Variants in POT1 observed in about 807,000 individuals in gnomAD.
POT1 encodes protection of telomeres 1.
Under a neutral mutation model 78.5 loss-of-function variants are expected in POT1, and 47 were observed. The observed-to-expected ratio is 0.60, with a 90% CI of 0.47 to 0.76. The LOEUF (loss-of-function observed/expected upper bound fraction) is 0.76. POT1 is among the 30% of genes least tolerant of loss of function. POT1 has a pLI of 0.00. For missense variants in POT1, 646 were observed against 749.9 expected, an observed-to-expected ratio of 0.86 and a Z score of 1.62; for synonymous variants, 259 against 260.7, an observed-to-expected ratio of 0.99 and a Z score of 0.06.
rs746483447 is a variant in POT1, at chr7:124,859,116, C to A, written c.547-4G>T. On this transcript the variant is annotated splice_region_variant and splice_polypyrimidine_tract_variant and intron_variant, in intron 8 of 18. Coordinates refer to ENST00000357628, the MANE Select transcript of POT1 (RefSeq NM_015450.3). ...GTGTCCTGGTGCCATCCCATACCTG[C>A]CATAAGAGAGTAGAGTAGTTTTATG... The A allele has an allele frequency of 1.3e-6, 2 of 1,563,476 alleles. No individual in the cohort carries two copies. Among genetic ancestry groups the A allele is most frequent in the Non-Finnish European group, 1.7e-6 (2 of 1,153,494 alleles).
At chr7:124,867,243 C>T (rs1484162409) in intron 7 of POT1, among the ~76,000 whole-genome samples, 2 of 152,158 alleles carry the variant, frequency 1.3e-5, no homozygotes, top group African/African-American at 4.8e-5. Flanking sequence ...AAATAGCCTT[C>T]TAAAGAATAT....
intron 3 of POT1, chr7:124,900,802 T>C (rs1490737069): frequency 1.0e-5 from 4 of 395,616 alleles, no homozygotes; most frequent in Non-Finnish European, 2.1e-5. Context: ...CCTGCCATAA[T>C]ACTGTGCTTT....
At chr7:124,841,897 T>A (rs1795037249) in intron 13 of POT1, among the ~76,000 whole-genome samples, 1 of 152,004 alleles carries the variant, frequency 6.6e-6, no homozygotes, top group Non-Finnish European at 1.5e-5. Context: ...TATATATACA[T>A]TTTAATCCCA....
intron 17 of POT1, among the ~76,000 whole-genome samples, chr7:124,826,800 C>T (rs1433504744): frequency 1.3e-5 from 2 of 152,080 alleles, no homozygotes; most frequent in Non-Finnish European, 2.9e-5. Context: ...ACCCGGGAGG[C>T]GGAGGTTGCA....
chr7:124,832,800 C>T lies in POT1; in HGVS notation c.1505+2479G>A, dbSNP rs146002852. Among the ~76,000 whole-genome samples, 93 of 125,594 alleles carry T rather than the reference C, an allele frequency of 7.4e-4. 1 individual carries two copies. The East Asian group carries it at 0.02, about 28-fold the overall frequency. The allele number at this position is 125,594 out of a possible 152,430, so 82.4% of individuals were successfully genotyped here. ...TCATGCCACTGCACTCCTATCTGGG[C>T]AATAGAGCAAGACTTCATCTCAAAA... On this transcript the variant is annotated intron_variant, in intron 15 of 18. Coordinates refer to ENST00000357628, the MANE Select transcript of POT1 (RefSeq NM_015450.3).
chr7:124,894,245 A>G (rs1165571868), intron 5 of POT1, among the ~76,000 whole-genome samples: 1 of 151,546 alleles, frequency 6.6e-6, no homozygotes, highest in Non-Finnish European at 1.5e-5. Flanking sequence ...CAATATAAAG[A>G]AAGCTAGCTC....
chr7:124,869,995 G>A (rs1422031798), intron 7 of POT1, among the ~76,000 whole-genome samples: 1 of 152,112 alleles, frequency 6.6e-6, no homozygotes, highest in Non-Finnish European at 1.5e-5. Flanking sequence ...GAACACAGCT[G>A]AACACTGTCC....
At chr7:124,853,362 A>G in intron 9 of POT1, 1 of 428,614 alleles carries the variant, frequency 2.3e-6, no homozygotes, top group East Asian at 3.8e-5. Context: ...GCGTGTGTGC[A>G]CACACATACA....
At chr7:124,872,946 C>T (rs1795905707) in intron 6 of POT1, among the ~76,000 whole-genome samples, 1 of 152,150 alleles carries the variant, frequency 6.6e-6, no homozygotes, top group African/African-American at 2.4e-5. Context: ...TGTTGAACAT[C>T]TTTTCGCATA....
chr7:124,835,021 C>T (rs1794856182), intron 15 of POT1, among the ~76,000 whole-genome samples: 1 of 152,108 alleles, frequency 6.6e-6, no homozygotes, highest in Non-Finnish European at 1.5e-5. Flanking sequence ...CATGTTCTCA[C>T]TCATAAGTGG....
intron 16 of POT1, 192 bp downstream of exon 16, chr7:124,829,062 G>A: frequency 1.3e-6 from 1 of 758,662 alleles, no homozygotes. Context: ...GACGGTGCCT[G>A]CTTGAAGAAA....
rs2116461902 is a variant in POT1 at position 124,841,119 on chromosome 7, G to A, written c.1223C>T (p.Thr408Ile). 1 of 1,612,744 alleles carries A rather than the reference G, an allele frequency of 6.2e-7. No homozygotes were observed. The highest frequency in any genetic ancestry group is 8.5e-7 in the Non-Finnish European group (1 of 1,179,184). Residue 408 changes from threonine (T) to isoleucine (I), a missense_variant, in exon 14 of 19, where the codon ACC (threonine) becomes ATC (isoleucine). This residue lies in a region of POT1 where 394 missense variants were observed against 408.4 expected (regional missense o/e 0.96). Transcript: ENST00000357628. ...TGTATTTTGTAGCTTGACATCTGGG[G>A]TTTTAGTTGCACCATCCTGAAAAAT... Reference protein sequence around the residue: ...DIIFQDGATKTPDVKLQNTSL... With the variant: ...DIIFQDGATKIPDVKLQNTSL...
chr7:124,905,315 G>A (rs1272752935), intron 3 of POT1, among the ~76,000 whole-genome samples: 1 of 152,106 alleles, frequency 6.6e-6, no homozygotes, highest in African/African-American at 2.4e-5. Context: ...AGAGCCCTCA[G>A]AAATAATACC....
At chr7:124,890,434 G>A (rs1475539380) in intron 6 of POT1, among the ~76,000 whole-genome samples, 1 of 151,948 alleles carries the variant, frequency 6.6e-6, no homozygotes, top group Non-Finnish European at 1.5e-5. Context: ...AGTTGATAAT[G>A]CAGCAGCAGG....
chr7:124,826,666 T>A (rs542063959), intron 17 of POT1, among the ~76,000 whole-genome samples: 49 of 151,324 alleles, frequency 3.2e-4, no homozygotes, highest in African/African-American at 1.1e-3. Context: ...AGGTCAGGAG[T>A]TCAAGACCAG....
At position 124,897,213 on chromosome 7, in the gene POT1, C is replaced by A; in HGVS notation, c.-39-1G>T. ...AATCTCTTAAAGATTTGACATAAAC[C>A]TGAAGGAAAAAAAGAAAGAACTTAT... On this transcript the variant is annotated splice_acceptor_variant, in intron 4 of 18. Transcript: ENST00000357628. LOFTEE classifies it low-confidence loss of function (5UTR_SPLICE). 7.2e-7 allele frequency: 1 copy of A among 1,379,918 alleles called. No individual in the cohort carries two copies. Among genetic ancestry groups the A allele is most frequent in the Non-Finnish European group, 1.0e-6 (1 of 996,968 alleles). 85.5% of individuals were successfully genotyped at this position (1,379,918 alleles called of 1,614,324 possible).
chr7:124,828,637 TA>T (rs1325182673), intron 16 of POT1, among the ~76,000 whole-genome samples: 7 of 151,808 alleles, frequency 4.6e-5, no homozygotes, highest in African/African-American at 1.7e-4. Flanking sequence ...CCAGGAACCA[TA>T]AAAACAAAGA....
intron 14 of POT1, chr7:124,840,523 C>T (rs34014883): frequency 0.4 from 60,578 of 151,818 alleles, 12,215 homozygotes; most frequent in East Asian, 0.5. Context: ...TGATAAATTT[C>T]ATTTAAAACT....
chr7:124,912,755 C>T (rs1016434221), intron 3 of POT1, among the ~76,000 whole-genome samples: 5 of 152,034 alleles, frequency 3.3e-5, no homozygotes, highest in African/African-American at 1.2e-4. Flanking sequence ...CTTCAGGAAG[C>T]ACAGATGTAT....
Sources: allele counts gnomAD v4.1 joint callset (sites outside exome capture counted in the v4.1 genomes callset), GRCh38; gene constraint gnomAD v4.1.1; regional missense constraint gnomAD v4.1.1; transcripts MANE v1.5; gene names NCBI Gene and HGNC (gene_info 2026-07-23, HGNC 2026-07-21).